TMPRSS11E: variants seen among roughly 807,000 people sequenced by gnomAD.
TMPRSS11E encodes transmembrane serine protease 11E, also known as transmembrane protease serine 11E.
In TMPRSS11E, 38 loss-of-function variants were observed where a neutral mutation model predicts 48.1. The observed-to-expected ratio is 0.79, with a 90% CI of 0.61 to 1.04. TMPRSS11E has a LOEUF of 1.04. Among genes scored for constraint, TMPRSS11E ranks in the 50% least tolerant of loss-of-function variants. The pLI is 0.00. For synonymous variants in TMPRSS11E, 158 were observed against 171.9 expected (o/e 0.92, Z 0.63); for missense variants, 530 against 510.8 (o/e 1.04, Z -0.36).
At chr4:68,458,945 C>T (rs1475860349) in intron 1 of TMPRSS11E, among the ~76,000 whole-genome samples, 1 of 152,106 alleles carries the variant, frequency 6.6e-6, no homozygotes, top group Non-Finnish European at 1.5e-5. Flanking sequence ...AAACCGCCTT[C>T]TCATTTTTAT....
chr4:68,477,114 T>C (rs953993232), intron 7 of TMPRSS11E, among the ~76,000 whole-genome samples: 8 of 152,122 alleles, frequency 5.3e-5, no homozygotes, highest in Non-Finnish European at 4.4e-5. Flanking sequence ...GAGTCATTAA[T>C]ATACAGAAAA....
At chr4:68,494,504 C>G (rs1729816446) in intron 9 of TMPRSS11E, among the ~76,000 whole-genome samples, 1 of 152,180 alleles carries the variant, frequency 6.6e-6, no homozygotes, top group African/African-American at 2.4e-5. Flanking sequence ...ACACCCTAAT[C>G]TATTCCCTCA....
At chr4:68,495,212 A>G (rs1277577756) in intron 9 of TMPRSS11E, among the ~76,000 whole-genome samples, 5 of 152,064 alleles carry the variant, frequency 3.3e-5, no homozygotes, top group Non-Finnish European at 7.4e-5. Context: ...ACATCACCTT[A>G]CTTTTCAGCT....
chr4:68,494,364 A>G (rs150612623), intron 9 of TMPRSS11E, among the ~76,000 whole-genome samples: 64 of 152,346 alleles, frequency 4.2e-4, no homozygotes, highest in African/African-American at 1.4e-3. Flanking sequence ...CGCTCATATT[A>G]TTAGGGTTCA....
At chr4:68,476,596 G>T (rs1729226504) in intron 7 of TMPRSS11E, among the ~76,000 whole-genome samples, 158 bp downstream of exon 7, 2 of 152,146 alleles carry the variant, frequency 1.3e-5, no homozygotes, top group Non-Finnish European at 1.5e-5. Flanking sequence ...TTAGTAAGAG[G>T]TTTTAAAGTC....
intron 9 of TMPRSS11E, among the ~76,000 whole-genome samples, chr4:68,490,550 C>A (rs1288894773): frequency 3.3e-5 from 5 of 152,062 alleles, no homozygotes; most frequent in Middle Eastern, 3.4e-3. Flanking sequence ...TAGGCCTCTT[C>A]TGATAACACT....
intron 5 of TMPRSS11E, among the ~76,000 whole-genome samples, chr4:68,473,839 T>A (rs1210385330): frequency 1.3e-5 from 2 of 152,108 alleles, no homozygotes; most frequent in Non-Finnish European, 2.9e-5. Flanking sequence ...TGAGACTAAA[T>A]TGTAAATTCT....
chr4:68,487,143 T>G (rs949043091), intron 9 of TMPRSS11E, among the ~76,000 whole-genome samples: 2 of 152,284 alleles, frequency 1.3e-5, no homozygotes, highest in Non-Finnish European at 1.5e-5. Flanking sequence ...TATTGATATG[T>G]GAAGATTTGA....
At chr4:68,455,957 A>T (rs1362602879) in intron 1 of TMPRSS11E, among the ~76,000 whole-genome samples, 1 of 151,910 alleles carries the variant, frequency 6.6e-6, no homozygotes, top group African/African-American at 2.4e-5. Context: ...AATATCTTTA[A>T]TTTTTTTGCA....
At chr4:68,468,805 A>G (rs1728988236) in intron 3 of TMPRSS11E, 74 bp from the exon 4 acceptor site, 2 of 1,135,202 alleles carry the variant, frequency 1.8e-6, no homozygotes, top group Non-Finnish European at 2.7e-6. Context: ...TAATTTTCTA[A>G]AAAGCTTTGA....
Position 68,493,579 on chromosome 4 carries a change from G to A in TMPRSS11E, c.1111-3064G>A, listed in dbSNP as rs533945675. Among the ~76,000 whole-genome samples, 14 of 152,060 alleles carry A rather than the reference G, an allele frequency of 9.2e-5. No homozygotes were observed. In the South Asian group the frequency reaches 1.2e-3, roughly 14 times the overall value. ...CCTTCTGGATTTAAGCTATTCTCTC[G>A]CCTCAGCCTCCTGAGTAGCTGAGAT... On this transcript the variant is annotated intron_variant, in intron 9 of 9. Transcript: ENST00000305363.
At chr4:68,481,163 C>G (rs1729389232) in intron 9 of TMPRSS11E, among the ~76,000 whole-genome samples, 1 of 152,236 alleles carries the variant, frequency 6.6e-6, no homozygotes, top group African/African-American at 2.4e-5. Flanking sequence ...CCATAGCATT[C>G]CATGGGGTAT....
In TMPRSS11E at chr4:68,477,633, G is replaced by A; in HGVS notation, c.967+5G>A. 7 of 1,610,748 alleles carry A rather than the reference G, an allele frequency of 4.3e-6. No individual in the cohort carries two copies. The highest frequency in any genetic ancestry group is 5.9e-6 in the Non-Finnish European group (7 of 1,178,156). The stretch of plus-strand genomic sequence containing the variant: ...TTGGAGCACTGAAAAATGATGGTGA[G>A]CATCGGAAGAGGAACTCAAGTAAAA... On this transcript the variant is annotated splice_donor_5th_base_variant and intron_variant, in intron 8 of 9. Coordinates refer to ENST00000305363, the MANE Select transcript of TMPRSS11E (RefSeq NM_014058.4).
chr4:68,450,888 A>G (rs1007617294), intron 1 of TMPRSS11E, among the ~76,000 whole-genome samples: 2 of 152,058 alleles, frequency 1.3e-5, no homozygotes, highest in South Asian at 4.1e-4. Flanking sequence ...TCTTAGAGCA[A>G]TATTTCATGG....
chr4:68,460,705 C>G (rs184826346), intron 1 of TMPRSS11E, among the ~76,000 whole-genome samples: 1 of 152,278 alleles, frequency 6.6e-6, no homozygotes, highest in East Asian at 1.9e-4. Context: ...TCATCTCTGA[C>G]TTATTATTTC....
chr4:68,477,921 A>G (rs1729277618), intron 8 of TMPRSS11E, among the ~76,000 whole-genome samples: 1 of 152,172 alleles, frequency 6.6e-6, no homozygotes. Flanking sequence ...ACCAGTTTAG[A>G]GATTAGCAAT....
chr4:68,488,239 T>C (rs1262907031), intron 9 of TMPRSS11E, among the ~76,000 whole-genome samples: 1 of 152,220 alleles, frequency 6.6e-6, no homozygotes, highest in African/African-American at 2.4e-5. Context: ...TCAGGAACGA[T>C]ATTCATAAAT....
chr4:68,496,232 TTTTG>T (rs759339077), intron 9 of TMPRSS11E, among the ~76,000 whole-genome samples: 3 of 152,082 alleles, frequency 2.0e-5, no homozygotes, highest in Non-Finnish European at 4.4e-5. Context: ...GTCTGTTTTT[TTTTG>T]TTTGTTTGTT....
intron 9 of TMPRSS11E, among the ~76,000 whole-genome samples, chr4:68,489,239 G>T (rs1729648237): frequency 6.6e-6 from 1 of 152,172 alleles, no homozygotes; most frequent in Non-Finnish European, 1.5e-5. Flanking sequence ...GGTTAGCTCA[G>T]CACTCCTGGG....
Sources: gnomAD v4.1 joint callset for allele counts (sites outside exome capture counted in the v4.1 genomes callset) on GRCh38, gnomAD v4.1.1 for gene constraint, MANE v1.5 for transcripts, NCBI Gene and HGNC (gene_info 2026-07-23, HGNC 2026-07-21) for gene names.